The following FRRS1L variants were observed in gnomAD, a reference collection of about 807,000 sequenced individuals.
FRRS1L encodes ferric chelate reductase 1 like.
FRRS1L carries 22 observed loss-of-function variants against 28.6 expected under a neutral mutation model. That is an observed-to-expected ratio of 0.77 (90% CI 0.55 to 1.10). The LOEUF (loss-of-function observed/expected upper bound fraction) is 1.10, where lower values mean the gene tolerates loss of function less well. FRRS1L is among the 50% of genes least tolerant of loss of function. FRRS1L has a pLI of 0.00. For synonymous variants in FRRS1L, 158 were observed against 151.4 expected, an observed-to-expected ratio of 1.04 and a Z score of -0.32; for missense variants, 380 against 386.9, an observed-to-expected ratio of 0.98 and a Z score of 0.15.
At position 109,133,499 on chromosome 9, in the gene FRRS1L, T is replaced by C. The variant is rs998972634; in HGVS notation, c.*3956A>G. 1.3e-5 allele frequency: 2 copies of C among 152,248 alleles called. No homozygotes were observed. The highest frequency in any genetic ancestry group is 1.5e-5 in the Non-Finnish European group (1 of 68,048). The allele number at this position is 152,248 out of a possible 1,614,324, so 9.4% of individuals were successfully genotyped here. On this transcript the variant is annotated 3_prime_UTR_variant, in exon 5 of 5. Transcript: ENST00000561981. The stretch of plus-strand genomic sequence containing the variant: ...CATTTAATAAAAGTTTTAATGGATG[T>C]GCACGAAGGTGCATGAATGTGTAGG...
chr9:109,161,741 C>T (rs1588104700), intron 1 of FRRS1L, among the ~76,000 whole-genome samples: 1 of 152,140 alleles, frequency 6.6e-6, no homozygotes, highest in South Asian at 2.1e-4. Flanking sequence ...TAATTTAGTA[C>T]TTGATTCCTT....
intron 1 of FRRS1L, among the ~76,000 whole-genome samples, chr9:109,153,008 T>C (rs1831355234): frequency 6.6e-6 from 1 of 152,114 alleles, no homozygotes; most frequent in Non-Finnish European, 1.5e-5. Flanking sequence ...GAACTTGTGT[T>C]CTGTCAAATG....
rs1025901991 is a variant in FRRS1L, at chr9:109,131,394, T to C, written c.*6061A>G. On this transcript the variant is annotated 3_prime_UTR_variant, in exon 5 of 5. Coordinates refer to ENST00000561981, the MANE Select transcript of FRRS1L (RefSeq NM_014334.4). ...AACTCAAGCATAGTTTTGCCTGTAA[T>C]ATGCATAATGTTCTACCTCTTGGGT... The C allele has an allele frequency of 3.9e-5, 6 of 152,236 alleles. No homozygotes were observed. The highest frequency in any genetic ancestry group is 7.3e-5 in the Non-Finnish European group (5 of 68,038). The allele number at this position is 152,236 out of a possible 1,614,324, so 9.4% of individuals were successfully genotyped here.
intron 4 of FRRS1L, chr9:109,138,738 C>G (rs1232038620): frequency 2.0e-5 from 3 of 152,268 alleles, no homozygotes; most frequent in Admixed American, 1.3e-4. Context: ...CCTCTCCTAC[C>G]TAACCTCAGC....
intron 1 of FRRS1L, among the ~76,000 whole-genome samples, chr9:109,164,588 G>T (rs1831523208): frequency 6.6e-6 from 1 of 151,928 alleles, no homozygotes; most frequent in South Asian, 2.1e-4. Flanking sequence ...AGTAGAGACG[G>T]GGTTTCACCA....
chr9:109,147,271 G>T lies in FRRS1L; in HGVS notation c.324-82C>A. ...AGAGCATCTACCATGTATCATGTGG[G>T]ATGCTAAGCAATATTATTAAACACA... On this transcript the variant is annotated intron_variant, in intron 2 of 4. Transcript: ENST00000561981. 4.3e-6 allele frequency: 5 copies of T among 1,150,794 alleles called. No homozygotes were observed. The South Asian group carries it at 6.7e-5, about 15-fold the overall frequency. 71.3% of individuals were successfully genotyped at this position (1,150,794 alleles called of 1,614,324 possible).
chr9:109,157,382 A>C (rs1831424495), intron 1 of FRRS1L, among the ~76,000 whole-genome samples: 1 of 151,966 alleles, frequency 6.6e-6, no homozygotes, highest in Non-Finnish European at 1.5e-5. Flanking sequence ...GAAACTATCT[A>C]TATATTTTAT....
intron 1 of FRRS1L, among the ~76,000 whole-genome samples, chr9:109,154,268 C>T (rs889361584): frequency 6.6e-6 from 1 of 152,200 alleles, no homozygotes; most frequent in Admixed American, 6.5e-5. Flanking sequence ...GGTAACTTTC[C>T]TGAAGTTATT....
rs138531590 is a variant in FRRS1L, at chr9:109,149,647, C to T, written c.312G>A (p.Lys104=). The part of the protein sequence containing the change: ...KIKVDDCGKT[K]GCFRYGKPGC... ...GCAGTTCCACCAACCTAAAGCATCCCTTAGTTTTTCCACAGTCGTCCACTT... is the reference window on the plus strand; with the variant it reads ...GCAGTTCCACCAACCTAAAGCATCCTTTAGTTTTTCCACAGTCGTCCACTT... The change falls in exon 2 of 5, where the codon AAG becomes AAA. Residue 104 remains lysine, a synonymous_variant. Transcript: ENST00000561981. The T allele has an allele frequency of 6.8e-4, 1,090 of 1,611,392 alleles. 1 individual carries two copies. Among genetic ancestry groups the T allele is most frequent in the South Asian group, 1.3e-3 (117 of 91,002 alleles).
chr9:109,157,765 A>C (rs1418297942), intron 1 of FRRS1L, among the ~76,000 whole-genome samples: 1 of 152,222 alleles, frequency 6.6e-6, no homozygotes, highest in African/African-American at 2.4e-5. Context: ...TGGATACTAT[A>C]CTGTTACAGG....
chr9:109,152,010 G>C (rs1465254166), intron 1 of FRRS1L: 1 of 152,154 alleles, frequency 6.6e-6, no homozygotes, highest in Non-Finnish European at 1.5e-5. Context: ...CTCTTTTAAT[G>C]TTGCATCTGA....
chr9:109,145,430 G>A (rs903147666), intron 3 of FRRS1L, among the ~76,000 whole-genome samples: 8 of 152,220 alleles, frequency 5.3e-5, no homozygotes, highest in Non-Finnish European at 8.8e-5. Context: ...GGCCAGGCAC[G>A]GAAGTGCCTG....
Position 109,134,788 on chromosome 9 carries a change from T to C in FRRS1L, c.*2667A>G, listed in dbSNP as rs1210011421. 1 of 152,210 alleles carries C rather than the reference T, an allele frequency of 6.6e-6. No individual in the cohort carries two copies. The highest frequency in any genetic ancestry group is 1.5e-5 in the Non-Finnish European group (1 of 68,036). 9.4% of individuals were successfully genotyped at this position (152,210 alleles called of 1,614,324 possible). A position where few individuals can be genotyped will look rare whatever the true frequency, so the allele number is the denominator to read the frequency against. ...TCTCTCTTTTGTTTTAACCTGTTTGTAGCTCAAATATTATACACATAAGAG... is the reference window on the plus strand; with the variant it reads ...TCTCTCTTTTGTTTTAACCTGTTTGCAGCTCAAATATTATACACATAAGAG... On this transcript the variant is annotated 3_prime_UTR_variant, in exon 5 of 5. Transcript: ENST00000561981.
chr9:109,166,923 G>A lies in FRRS1L; in HGVS notation c.216C>T (p.Asp72=). The A allele has an allele frequency of 7.3e-7, 1 of 1,371,636 alleles. No individual in the cohort carries two copies. Among genetic ancestry groups the A allele is most frequent in the Non-Finnish European group, 9.5e-7 (1 of 1,053,218 alleles). 85.0% of individuals were successfully genotyped at this position (1,371,636 alleles called of 1,614,324 possible). ...CACCCTCCTCCGACAGGTAGCGCAG[G>A]TCGTAGAACTCCCCCGCGAAGGTGC... is the stretch of plus-strand genomic sequence containing the variant. ...SYGTFAGEFY[D]LRYLSEEGYP... Residue 72 remains aspartate (D), a synonymous_variant, in exon 1 of 5, where the codon GAC becomes GAT. Transcript: ENST00000561981.
intron 3 of FRRS1L, among the ~76,000 whole-genome samples, chr9:109,146,834 T>C (rs1159785131): frequency 6.6e-6 from 1 of 152,172 alleles, no homozygotes; most frequent in Non-Finnish European, 1.5e-5. Context: ...AGCCTTACTG[T>C]GGAAACAGCT....
intron 1 of FRRS1L, among the ~76,000 whole-genome samples, chr9:109,163,097 A>G (rs1306605344): frequency 6.6e-6 from 1 of 152,212 alleles, no homozygotes; most frequent in East Asian, 1.9e-4. Context: ...AGCAAGCTTC[A>G]TTTGGGACTT....
chr9:109,163,843 C>T (rs1455407449), intron 1 of FRRS1L, among the ~76,000 whole-genome samples: 1 of 152,148 alleles, frequency 6.6e-6, no homozygotes, highest in African/African-American at 2.4e-5. Context: ...CTTCACTTGC[C>T]ACGTCCTCCA....
chr9:109,157,240 T>C (rs184099670), intron 1 of FRRS1L, among the ~76,000 whole-genome samples: 84 of 152,350 alleles, frequency 5.5e-4, no homozygotes, highest in Middle Eastern at 3.4e-3. Context: ...GTAGACTGTT[T>C]TGTAATTTGT....
chr9:109,163,312 A>T (rs1831502452), intron 1 of FRRS1L, among the ~76,000 whole-genome samples: 1 of 152,190 alleles, frequency 6.6e-6, no homozygotes, highest in South Asian at 2.1e-4. Flanking sequence ...TCCTGACCAT[A>T]GACAGCAAAG....
Sources: gnomAD v4.1 joint callset for allele counts (sites outside exome capture counted in the v4.1 genomes callset) on GRCh38, gnomAD v4.1.1 for gene constraint, MANE v1.5 for transcripts, NCBI Gene and HGNC (gene_info 2026-07-23, HGNC 2026-07-21) for gene names.